The following NRG3 variants were observed in gnomAD, a reference collection of about 807,000 sequenced individuals.
The protein encoded by NRG3 is pro-neuregulin-3, membrane-bound isoform.
Under a neutral mutation model 66.9 loss-of-function variants are expected in NRG3, and 31 were observed. That is an observed-to-expected ratio of 0.46 (90% CI 0.35 to 0.63). NRG3 has a LOEUF of 0.63. Among genes scored for constraint, NRG3 ranks in the 20% least tolerant of loss-of-function variants. The pLI is 0.00. For synonymous variants in NRG3, 393 were observed against 359.4 expected, an observed-to-expected ratio of 1.09 and a Z score of -1.06; for missense variants, 910 against 878.9, an observed-to-expected ratio of 1.04 and a Z score of -0.45.
intron 2 of NRG3, among the ~76,000 whole-genome samples, chr10:82,494,624 A>C (rs1843449843): frequency 6.6e-6 from 1 of 152,164 alleles, no homozygotes; most frequent in Non-Finnish European, 1.5e-5. Flanking sequence ...GAAAAAAATT[A>C]ATATGCCTGC....
At chr10:82,686,771 T>A (rs1414480678) in intron 2 of NRG3, among the ~76,000 whole-genome samples, 4 of 152,222 alleles carry the variant, frequency 2.6e-5, no homozygotes, top group Non-Finnish European at 2.9e-5. Flanking sequence ...CCGTTTTGAC[T>A]TATTTCCTTT....
chr10:82,657,750 C>T (rs1425188767), intron 2 of NRG3, among the ~76,000 whole-genome samples: 2 of 151,830 alleles, frequency 1.3e-5, no homozygotes, highest in African/African-American at 2.4e-5. Context: ...TTATGAAAAA[C>T]GTTATGTCAA....
intron 2 of NRG3, among the ~76,000 whole-genome samples, chr10:82,554,543 C>A (rs1406694401): frequency 6.6e-6 from 1 of 152,126 alleles, no homozygotes; most frequent in African/African-American, 2.4e-5. Context: ...TCTCACTAAC[C>A]ATGTCACTCT....
intron 1 of NRG3, among the ~76,000 whole-genome samples, chr10:82,036,981 A>T (rs2132955215): frequency 6.6e-6 from 1 of 152,268 alleles, no homozygotes; most frequent in East Asian, 1.9e-4. Flanking sequence ...TTTATTAATC[A>T]CTGTATGAAT....
intron 2 of NRG3, among the ~76,000 whole-genome samples, chr10:82,584,341 C>T (rs981167820): frequency 1.3e-5 from 2 of 152,166 alleles, no homozygotes; most frequent in South Asian, 2.1e-4. Context: ...CTACCTCAGC[C>T]TCCCAAAGTG....
chr10:82,908,990 C>CTCAGCGACTGGAGCTGTGGCAGT (rs1591916693), intron 4 of NRG3, among the ~76,000 whole-genome samples: 9 of 152,084 alleles, frequency 5.9e-5, no homozygotes, highest in East Asian at 1.9e-4. Flanking sequence ...ACACCACGCC[C>CTCAGCGACTGGAGCTGTGGCAGT]CAGATGACTG....
chr10:82,207,808 C>G (rs1469989256), intron 1 of NRG3, among the ~76,000 whole-genome samples: 1 of 152,126 alleles, frequency 6.6e-6, no homozygotes, highest in Non-Finnish European at 1.5e-5. Flanking sequence ...TGAGAAGTCA[C>G]TAGCACAAGA....
intron 1 of NRG3, among the ~76,000 whole-genome samples, chr10:81,892,696 T>C (rs1212745806): frequency 6.6e-6 from 1 of 151,912 alleles, no homozygotes; most frequent in East Asian, 1.9e-4. Context: ...ACAGGAGAGG[T>C]AGGGATGGTT....
At chr10:82,880,358 G>A (rs977677165) in intron 4 of NRG3, among the ~76,000 whole-genome samples, 1 of 152,066 alleles carries the variant, frequency 6.6e-6, no homozygotes, top group Admixed American at 6.6e-5. Context: ...ACTGCCATTC[G>A]TGGAAGAGAA....
At chr10:82,913,850 G>T (rs1845566313) in intron 4 of NRG3, among the ~76,000 whole-genome samples, 1 of 152,010 alleles carries the variant, frequency 6.6e-6, no homozygotes, top group Admixed American at 6.6e-5. Flanking sequence ...CATTAATTTT[G>T]GAAGGTTGTC....
At chr10:82,797,209 G>T (rs1252843563) in intron 3 of NRG3, among the ~76,000 whole-genome samples, 1 of 152,128 alleles carries the variant, frequency 6.6e-6, no homozygotes, top group Admixed American at 6.6e-5. Flanking sequence ...TGCAGCTACT[G>T]CTTCCTGCTC....
chr10:82,973,966 G>A (rs1297504543), intron 7 of NRG3, 51 bp downstream of exon 7: 3 of 1,604,920 alleles, frequency 1.9e-6, no homozygotes, highest in Non-Finnish European at 2.6e-6. Context: ...CTGTGTGTAT[G>A]CTGGGTGGCA....
At chr10:82,089,869 C>A (rs2065930147) in intron 1 of NRG3, among the ~76,000 whole-genome samples, 1 of 152,180 alleles carries the variant, frequency 6.6e-6, no homozygotes, top group Non-Finnish European at 1.5e-5. Context: ...ATAAGCATTA[C>A]ACTTATGAAA....
intron 1 of NRG3, among the ~76,000 whole-genome samples, chr10:82,302,846 GC>G (rs1264782422): frequency 1.3e-5 from 2 of 152,136 alleles, no homozygotes; most frequent in Non-Finnish European, 2.9e-5. Flanking sequence ...ATAGTCTGAA[GC>G]TTTTGCCATT....
chr10:82,400,654 A>G (rs1349471224), intron 2 of NRG3, among the ~76,000 whole-genome samples: 9 of 151,862 alleles, frequency 5.9e-5, no homozygotes, highest in Admixed American at 5.9e-4. Flanking sequence ...TGCAACCTCA[A>G]ACTCCTGGGC....
At chr10:82,162,280 G>A (rs1482823007) in intron 1 of NRG3, among the ~76,000 whole-genome samples, 3 of 152,100 alleles carry the variant, frequency 2.0e-5, no homozygotes, top group African/African-American at 4.8e-5. Context: ...CCATTCTTGT[G>A]AGCTTAAATT....
chr10:82,440,339 C>A (rs2090369733), intron 2 of NRG3, among the ~76,000 whole-genome samples: 2 of 147,820 alleles, frequency 1.4e-5, no homozygotes, highest in African/African-American at 5.0e-5. Flanking sequence ...AAAAAAAATC[C>A]TTTCTACTAG....
chr10:82,230,180 A>G (rs542536829), intron 1 of NRG3: 5 of 152,312 alleles, frequency 3.3e-5, no homozygotes, highest in African/African-American at 1.2e-4. Flanking sequence ...ATTATGCAAA[A>G]TGATCACCGT....
chr10:82,679,802 G>T (rs1045824787), intron 2 of NRG3, among the ~76,000 whole-genome samples: 1 of 152,016 alleles, frequency 6.6e-6, no homozygotes, highest in Admixed American at 6.6e-5. Flanking sequence ...GGACAGGAAG[G>T]TTTGGAGCTG....
Sources: allele counts gnomAD v4.1 joint callset (sites outside exome capture counted in the v4.1 genomes callset), GRCh38; gene constraint gnomAD v4.1.1; transcripts MANE v1.5; gene names NCBI Gene and HGNC (gene_info 2026-07-23, HGNC 2026-07-21).